The following ERCC8 variants were observed in gnomAD, a reference collection of about 807,000 sequenced individuals.
ERCC8 encodes the protein DNA excision repair protein ERCC-8.
A neutral mutation model predicts 54.9 loss-of-function variants in ERCC8; 52 were observed. The observed-to-expected ratio is 0.95, with a 90% CI of 0.76 to 1.19. The LOEUF (loss-of-function observed/expected upper bound fraction) is 1.19, where lower values mean the gene tolerates loss of function less well. Ranked by LOEUF, ERCC8 falls within the 50% of genes most tolerant of loss-of-function variation. ERCC8 has a pLI of 0.00. For synonymous variants in ERCC8, 146 were observed against 157.2 expected, an observed-to-expected ratio of 0.93 and a Z score of 0.53; for missense variants, 514 against 466.1, an observed-to-expected ratio of 1.10 and a Z score of -0.95.
rs1750387721 is a variant in ERCC8 at position 60,944,861 on chromosome 5, T to C, written c.77+71A>G. 3.6e-6 allele frequency: 4 copies of C among 1,121,540 alleles called. No individual in the cohort carries two copies. The African/African-American group carries it at 4.6e-5, about 13-fold the overall frequency. The allele number at this position is 1,121,540 out of a possible 1,614,324, so 69.5% of individuals were successfully genotyped here. The stretch of plus-strand genomic sequence containing the variant: ...AGGAGAGCGATGAGACGGGAAAGTG[T>C]GGGGCAAAGCTTACAGTCATTGGTC... On this transcript the variant is annotated intron_variant, in intron 1 of 11. Transcript: ENST00000676185.
At chr5:60,907,753 C>CA (rs1039598052) in intron 4 of ERCC8, among the ~76,000 whole-genome samples, 8 of 151,786 alleles carry the variant, frequency 5.3e-5, no homozygotes, top group Middle Eastern at 3.4e-3. Flanking sequence ...TTCCCTAAGA[C>CA]AAAAAAAACA....
chr5:60,925,819 G>A (rs1247002410), intron 2 of ERCC8, among the ~76,000 whole-genome samples: 2 of 151,994 alleles, frequency 1.3e-5, no homozygotes, highest in Non-Finnish European at 2.9e-5. Flanking sequence ...CATTGACATT[G>A]TCATCTTTCT....
At chr5:60,906,742 TA>T (rs1749084720) in intron 4 of ERCC8, among the ~76,000 whole-genome samples, 1 of 151,298 alleles carries the variant, frequency 6.6e-6, no homozygotes, top group East Asian at 1.9e-4. Context: ...AATAAATAAA[TA>T]AATAAATAAA....
intron 9 of ERCC8, among the ~76,000 whole-genome samples, chr5:60,896,582 C>G (rs1270066171): frequency 2.0e-5 from 3 of 152,156 alleles, no homozygotes; most frequent in African/African-American, 7.2e-5. Flanking sequence ...CTTTAAAAAT[C>G]TGAAGACAGT....
chr5:60,944,101 C>T (rs1750350249), intron 1 of ERCC8, among the ~76,000 whole-genome samples: 1 of 152,182 alleles, frequency 6.6e-6, no homozygotes, highest in African/African-American at 2.4e-5. Context: ...ATATTACCAA[C>T]ATTCAACTTC....
Position 60,893,515 on chromosome 5 carries a change from A to G in ERCC8, c.844-2429T>C, listed in dbSNP as rs980748023. 19 of 824,268 alleles carry G rather than the reference A, an allele frequency of 2.3e-5. No homozygotes were observed. In the African/African-American group the frequency reaches 3.0e-4, roughly 13 times the overall value. The allele number at this position is 824,268 out of a possible 1,614,324, so 51.1% of individuals were successfully genotyped here. A position where few individuals can be genotyped will look rare whatever the true frequency, so the allele number is the denominator to read the frequency against. ...TTGCTTTCTTCCCATTTTGTTTTGCAGGCTTCTTACAGCCCTTGGAAACTT... is the reference window on the plus strand; with the variant it reads ...TTGCTTTCTTCCCATTTTGTTTTGCGGGCTTCTTACAGCCCTTGGAAACTT... On this transcript the variant is annotated intron_variant, in intron 9 of 11. Coordinates refer to ENST00000676185, the MANE Select transcript of ERCC8 (RefSeq NM_000082.4).
intron 1 of ERCC8, among the ~76,000 whole-genome samples, chr5:60,935,097 T>C (rs1361241772): frequency 6.6e-6 from 1 of 152,176 alleles, no homozygotes; most frequent in Non-Finnish European, 1.5e-5. Context: ...TTGATGGAAG[T>C]TGCATTGAAT....
chr5:60,928,912 T>C lies in ERCC8; in HGVS notation c.125A>G (p.His42Arg), dbSNP rs199847260. 1.2e-5 allele frequency: 19 copies of C among 1,610,122 alleles called. No homozygotes were observed. The highest frequency in any genetic ancestry group is 1.7e-5 in the Admixed American group (1 of 60,014). The stretch of plus-strand genomic sequence containing the variant: ...GTCAAGGGTGTTAATTCCACCGCCG[T>C]GGATTCTTTCAACATCTCTGTCTTT... ...LNKDRDVERI[H>R]GGGINTLDIE... is the part of the protein sequence containing the mutation. Residue 42 changes from histidine to arginine, a missense_variant, in exon 2 of 12, where the codon CAC (histidine) becomes CGC (arginine). Transcript: ENST00000676185.
At chr5:60,882,417 T>G (rs1579987608) in intron 11 of ERCC8, among the ~76,000 whole-genome samples, 1 of 152,120 alleles carries the variant, frequency 6.6e-6, no homozygotes, top group Non-Finnish European at 1.5e-5. Flanking sequence ...TTATTTGAGA[T>G]GGAGTCTTGC....
chr5:60,899,580 T>TA, intron 8 of ERCC8, 47 bp downstream of exon 8: 2 of 1,416,620 alleles, frequency 1.4e-6, no homozygotes, highest in Non-Finnish European at 1.0e-6. Context: ...ATTTTCAATG[T>TA]AAAAAAATAC....
At chr5:60,939,023 A>C (rs1325429257) in intron 1 of ERCC8, among the ~76,000 whole-genome samples, 1 of 152,184 alleles carries the variant, frequency 6.6e-6, no homozygotes, top group Non-Finnish European at 1.5e-5. Context: ...TGTTTTAAAA[A>C]TTAATCTGAT....
chr5:60,942,580 A>G (rs1209856023), intron 1 of ERCC8, among the ~76,000 whole-genome samples: 1 of 152,216 alleles, frequency 6.6e-6, no homozygotes, highest in African/African-American at 2.4e-5. Flanking sequence ...CTAGATATGC[A>G]AACTAATCTA....
chr5:60,895,939 T>C (rs929954447), intron 9 of ERCC8, among the ~76,000 whole-genome samples: 2 of 152,234 alleles, frequency 1.3e-5, no homozygotes, highest in Non-Finnish European at 2.9e-5. Flanking sequence ...TTAGGGTTTC[T>C]TCCTCCAATC....
intron 11 of ERCC8, among the ~76,000 whole-genome samples, chr5:60,879,300 AT>A (rs1382955949): frequency 6.6e-6 from 1 of 152,146 alleles, no homozygotes; most frequent in Non-Finnish European, 1.5e-5. Flanking sequence ...TATGTGGTCA[AT>A]TTTGGAATAG....
At chr5:60,909,386 T>C (rs1284156802) in intron 4 of ERCC8, among the ~76,000 whole-genome samples, 7 of 143,078 alleles carry the variant, frequency 4.9e-5, no homozygotes, top group Non-Finnish European at 1.5e-5. Context: ...TTTAGAGAAA[T>C]ACAGCAGAAC....
chr5:60,928,934 CTTTA>C lies in ERCC8; in HGVS notation c.99_102del (p.Asn33LysfsTer34). The C allele has an allele frequency of 6.2e-7, 1 of 1,606,146 alleles. No homozygotes were observed. Among genetic ancestry groups the C allele is most frequent in the Non-Finnish European group, 8.5e-7 (1 of 1,173,986 alleles). On this transcript the variant is annotated frameshift_variant, in exon 2 of 12. Transcript: ENST00000676185. LOFTEE classifies it high-confidence loss of function. The stretch of plus-strand genomic sequence containing the variant: ...CCGTGGATTCTTTCAACATCTCTGT[CTTTA>C]TTTAATTCCAGTCCCAAAACTCTTA...
intron 9 of ERCC8, chr5:60,893,167 C>G (rs1407860512): frequency 2.2e-6 from 2 of 924,626 alleles, no homozygotes; most frequent in Non-Finnish European, 3.6e-6. Context: ...CCTAATGGGT[C>G]TCTGGCATCC....
chr5:60,899,827 A>G (rs1748824384), intron 7 of ERCC8, 100 bp from the exon 8 acceptor site: 5 of 836,100 alleles, frequency 6.0e-6, no homozygotes, highest in Non-Finnish European at 8.2e-6. Flanking sequence ...GTCTCGTTAT[A>G]TAGGTACATA....
intron 9 of ERCC8, among the ~76,000 whole-genome samples, chr5:60,894,163 T>C (rs1010480606): frequency 4.6e-5 from 7 of 152,122 alleles, no homozygotes; most frequent in African/African-American, 1.7e-4. Context: ...TTTTTGTATT[T>C]TTAGTAGACA....
Sources: allele counts gnomAD v4.1 joint callset (sites outside exome capture counted in the v4.1 genomes callset), GRCh38; gene constraint gnomAD v4.1.1; transcripts MANE v1.5; gene names NCBI Gene and HGNC (gene_info 2026-07-23, HGNC 2026-07-21).